Variants in SKAP1 observed in about 807,000 individuals in gnomAD.
SKAP1 encodes src kinase-associated phosphoprotein 1.
SKAP1 carries 44 observed loss-of-function variants against 58.5 expected under a neutral mutation model. That is an observed-to-expected ratio of 0.75 (90% CI 0.59 to 0.97). The LOEUF is 0.97. SKAP1 is among the 50% of genes least tolerant of loss of function. SKAP1 has a pLI of 0.00. For missense variants in SKAP1, 390 were observed against 435.2 expected (o/e 0.90, Z 0.92); for synonymous variants, 127 against 149.7 (o/e 0.85, Z 1.11).
intron 6 of SKAP1, 49 bp downstream of exon 6, chr17:48,187,794 T>C (rs1304693118): frequency 1.4e-5 from 18 of 1,310,084 alleles, no homozygotes; most frequent in Non-Finnish European, 1.9e-5. Context: ...ATTTACGAAG[T>C]GTTTGCATCC....
intron 4 of SKAP1, among the ~76,000 whole-genome samples, chr17:48,272,839 G>A (rs1038074619): frequency 3.9e-5 from 6 of 152,228 alleles, no homozygotes; most frequent in African/African-American, 1.4e-4. Context: ...TTACAGGTGT[G>A]AGCCACTGTG....
chr17:48,264,925 G>C (rs1271864596), intron 4 of SKAP1, among the ~76,000 whole-genome samples: 1 of 152,102 alleles, frequency 6.6e-6, no homozygotes, highest in Non-Finnish European at 1.5e-5. Flanking sequence ...AGCTGGCATG[G>C]GGAGCTGAAG....
At chr17:48,375,879 A>C (rs1057142757) in intron 2 of SKAP1, among the ~76,000 whole-genome samples, 2 of 152,156 alleles carry the variant, frequency 1.3e-5, no homozygotes, top group Non-Finnish European at 2.9e-5. Flanking sequence ...GGGAGGGAGA[A>C]AAGTGGGGAG....
chr17:48,176,561 T>A (rs1017695671), intron 9 of SKAP1, among the ~76,000 whole-genome samples: 1 of 152,082 alleles, frequency 6.6e-6, no homozygotes, highest in African/African-American at 2.4e-5. Context: ...GCAAATGAGA[T>A]CCTAAAAAAA....
At chr17:48,426,213 T>TC (rs1388158348) in intron 1 of SKAP1, among the ~76,000 whole-genome samples, 1 of 152,234 alleles carries the variant, frequency 6.6e-6, no homozygotes, top group African/African-American at 2.4e-5. Flanking sequence ...AATGACTGCT[T>TC]CTTTACAAGG....
At chr17:48,258,060 C>G (rs2065446041) in intron 4 of SKAP1, among the ~76,000 whole-genome samples, 1 of 152,052 alleles carries the variant, frequency 6.6e-6, no homozygotes, top group Non-Finnish European at 1.5e-5. Context: ...TCATGACACA[C>G]TAGTGCTTTA....
intron 4 of SKAP1, among the ~76,000 whole-genome samples, chr17:48,312,369 C>A (rs1031050179): frequency 6.6e-6 from 1 of 152,122 alleles, no homozygotes; most frequent in Non-Finnish European, 1.5e-5. Context: ...ACTTCTCTTT[C>A]TTAAAACACT....
At chr17:48,382,631 T>A (rs2067230227) in intron 2 of SKAP1, 2 of 152,248 alleles carry the variant, frequency 1.3e-5, no homozygotes, top group South Asian at 4.1e-4. Flanking sequence ...ACCTCTAAAG[T>A]CCTCATTCTG....
intron 4 of SKAP1, among the ~76,000 whole-genome samples, chr17:48,281,574 A>G (rs2065767657): frequency 1.3e-5 from 2 of 152,250 alleles, no homozygotes; most frequent in African/African-American, 4.8e-5. Flanking sequence ...AAGGGAATTT[A>G]CTTGTAAGGA....
At chr17:48,332,757 T>C (rs189475261) in intron 4 of SKAP1, among the ~76,000 whole-genome samples, 89 of 152,268 alleles carry the variant, frequency 5.8e-4, no homozygotes, top group Non-Finnish European at 4.4e-5. Flanking sequence ...CCACACTACT[T>C]TTTAGGGTTT....
chr17:48,342,749 G>T (rs1289145262), intron 4 of SKAP1, among the ~76,000 whole-genome samples: 1 of 152,136 alleles, frequency 6.6e-6, no homozygotes, highest in Admixed American at 6.5e-5. Flanking sequence ...TATCTGGGAG[G>T]CCAAGGCGGG....
intron 3 of SKAP1, among the ~76,000 whole-genome samples, chr17:48,361,431 C>T (rs1015821233): frequency 6.6e-6 from 1 of 151,974 alleles, no homozygotes; most frequent in African/African-American, 2.4e-5. Context: ...TCTCGAACTC[C>T]TGACCTCAGG....
rs796163164 is a variant in SKAP1, at chr17:48,282,311, T to C, written c.280+63594A>G. ...TGTTTCCTCTATTTTCCTCCATTCA[T>C]TCCTCACCTCTACCCAAACTAATGC... is the stretch of plus-strand genomic sequence containing the variant. On this transcript the variant is annotated intron_variant, in intron 4 of 12. Coordinates refer to ENST00000336915, the MANE Select transcript of SKAP1 (RefSeq NM_003726.4). Among the ~76,000 whole-genome samples the C allele has an allele frequency of 3.9e-5, 6 of 152,316 alleles. No homozygotes were observed. In the South Asian group the frequency reaches 1.2e-3, roughly 32 times the overall value.
chr17:48,301,805 T>G (rs1004258752), intron 4 of SKAP1, among the ~76,000 whole-genome samples: 1 of 152,190 alleles, frequency 6.6e-6, no homozygotes, highest in Non-Finnish European at 1.5e-5. Flanking sequence ...ACCTTCCTTA[T>G]GGTCCCCTGG....
chr17:48,226,975 T>C (rs186130247), intron 4 of SKAP1, among the ~76,000 whole-genome samples: 114 of 152,344 alleles, frequency 7.5e-4, no homozygotes, highest in African/African-American at 2.3e-3. Context: ...GAGCTTCCTG[T>C]CTTGCCTCAC....
chr17:48,226,891 G>T (rs1171884518), intron 4 of SKAP1, among the ~76,000 whole-genome samples: 1 of 152,152 alleles, frequency 6.6e-6, no homozygotes, highest in Non-Finnish European at 1.5e-5. Context: ...ACATCTGTGG[G>T]GTTTGAAATG....
chr17:48,335,254 T>G lies in SKAP1; in HGVS notation c.280+10651A>C, dbSNP rs138933152. On this transcript the variant is annotated intron_variant, in intron 4 of 12. Coordinates refer to ENST00000336915, the MANE Select transcript of SKAP1 (RefSeq NM_003726.4). ...GATTTGAGCATAAAGGCAATCTACCTTAACCATTACTCAAGTTTCTGAATA... is the reference window on the plus strand; with the variant it reads ...GATTTGAGCATAAAGGCAATCTACCGTAACCATTACTCAAGTTTCTGAATA... Among the ~76,000 whole-genome samples, 23 of 152,070 alleles carry G rather than the reference T, an allele frequency of 1.5e-4. No individual in the cohort carries two copies. The East Asian group carries it at 4.0e-3, about 27-fold the overall frequency.
intron 11 of SKAP1, among the ~76,000 whole-genome samples, chr17:48,142,913 C>A (rs577151162): frequency 1.8e-4 from 28 of 152,034 alleles, no homozygotes; most frequent in East Asian, 5.8e-4. Context: ...GTGATCCTCC[C>A]GCTTCAGCCT....
At chr17:48,264,951 C>T (rs150916119) in intron 4 of SKAP1, among the ~76,000 whole-genome samples, 7 of 152,238 alleles carry the variant, frequency 4.6e-5, no homozygotes, top group Non-Finnish European at 8.8e-5. Context: ...ATCACAAATG[C>T]CACTTTCATA....
Sources: gnomAD v4.1 joint callset for allele counts (sites outside exome capture counted in the v4.1 genomes callset) on GRCh38, gnomAD v4.1.1 for gene constraint, MANE v1.5 for transcripts, NCBI Gene and HGNC (gene_info 2026-07-23, HGNC 2026-07-21) for gene names.